The following MEGF11 variants were observed in gnomAD, a reference collection of about 807,000 sequenced individuals.
MEGF11 encodes multiple EGF like domains 11, also known as multiple epidermal growth factor-like domains protein 11.
In MEGF11, 126 loss-of-function variants were observed where a neutral mutation model predicts 146.6. That is an observed-to-expected ratio of 0.86 (90% CI 0.74 to 1.00). MEGF11 has a LOEUF of 1.00. Ranked by LOEUF, MEGF11 falls within the 50% of genes least tolerant of loss-of-function variation. The probability of loss-of-function intolerance (pLI) is 0.00; values close to 1 mark genes in which losing one functional copy is unlikely to be tolerated. For missense variants in MEGF11, 1,509 were observed against 1,521.2 expected (o/e 0.99, Z 0.13); for synonymous variants, 532 against 583.4 (o/e 0.91, Z 1.27).
At chr15:65,898,301 A>G (rs1312851432) in intron 25 of MEGF11, 11 of 985,324 alleles carry the variant, frequency 1.1e-5, no homozygotes, top group Admixed American at 1.2e-4. Flanking sequence ...CATCAACACC[A>G]AAGGATTTAA....
intron 1 of MEGF11, among the ~76,000 whole-genome samples, chr15:66,198,148 C>T (rs1157411760): frequency 2.6e-5 from 4 of 152,324 alleles, no homozygotes; most frequent in African/African-American, 4.8e-5. Context: ...CTCTGATCAG[C>T]GTGAAGACTA....
intron 7 of MEGF11, among the ~76,000 whole-genome samples, chr15:65,975,191 G>C (rs1466136001): frequency 6.6e-6 from 1 of 152,144 alleles, no homozygotes; most frequent in Non-Finnish European, 1.5e-5. Flanking sequence ...GAAGTGCAGT[G>C]GTGCCATCCC....
At chr15:65,903,108 C>T (rs1019248987) in intron 24 of MEGF11, among the ~76,000 whole-genome samples, 2 of 152,144 alleles carry the variant, frequency 1.3e-5, no homozygotes, top group African/African-American at 4.8e-5. Flanking sequence ...AGGAGGAGGT[C>T]TTGGGGTCAG....
At chr15:66,013,635 G>C (rs765960461) in intron 5 of MEGF11, among the ~76,000 whole-genome samples, 1 of 152,156 alleles carries the variant, frequency 6.6e-6, no homozygotes, top group Non-Finnish European at 1.5e-5. Context: ...AAGCTGGGCT[G>C]TCTTACTCCA....
chr15:65,939,687 G>A (rs1485319788), intron 10 of MEGF11, among the ~76,000 whole-genome samples: 2 of 151,974 alleles, frequency 1.3e-5, no homozygotes, highest in Non-Finnish European at 2.9e-5. Context: ...TAGAGACGGG[G>A]TTTCACCATG....
chr15:66,197,680 C>A (rs8024304), intron 1 of MEGF11, among the ~76,000 whole-genome samples: 51,820 of 152,024 alleles, frequency 0.34, 8,953 homozygotes, highest in East Asian at 0.46. Context: ...CCTCAACCTC[C>A]CAAAGTGCTG....
chr15:66,236,520 G>A (rs751097196), intron 1 of MEGF11, among the ~76,000 whole-genome samples: 4 of 152,206 alleles, frequency 2.6e-5, no homozygotes, highest in Non-Finnish European at 4.4e-5. Context: ...TGGGGGCACA[G>A]GCTGGGTCTG....
chr15:66,048,634 C>T (rs1189938087), intron 5 of MEGF11, among the ~76,000 whole-genome samples: 4 of 152,178 alleles, frequency 2.6e-5, no homozygotes, highest in African/African-American at 7.2e-5. Flanking sequence ...AGTGCCTGGC[C>T]TATGCTGGCT....
intron 1 of MEGF11, among the ~76,000 whole-genome samples, chr15:66,143,817 C>T (rs1384956175): frequency 6.6e-6 from 1 of 152,166 alleles, no homozygotes; most frequent in Non-Finnish European, 1.5e-5. Flanking sequence ...TTTAACAAAG[C>T]TCACCCTCAT....
chr15:65,915,431 C>T (rs2078960457), intron 19 of MEGF11, 39 bp downstream of exon 19: 2 of 1,606,196 alleles, frequency 1.2e-6, no homozygotes, highest in African/African-American at 1.3e-5. Flanking sequence ...CCATGGGGCC[C>T]TTTCCACAGA....
At chr15:65,919,631 C>A (rs2079111872) in intron 15 of MEGF11, among the ~76,000 whole-genome samples, 1 of 152,178 alleles carries the variant, frequency 6.6e-6, no homozygotes, top group African/African-American at 2.4e-5. Flanking sequence ...TGCCACAAAC[C>A]TTTGGTTTTT....
At chr15:66,230,979 C>T (rs1443056079) in intron 1 of MEGF11, among the ~76,000 whole-genome samples, 1 of 152,154 alleles carries the variant, frequency 6.6e-6, no homozygotes, top group Non-Finnish European at 1.5e-5. Context: ...CTACAGCAGC[C>T]TTGCCCAAAG....
At chr15:66,048,711 C>T (rs999348147) in intron 5 of MEGF11, among the ~76,000 whole-genome samples, 12 of 152,352 alleles carry the variant, frequency 7.9e-5, no homozygotes, top group Middle Eastern at 3.4e-3. Flanking sequence ...AAAGGCCTGG[C>T]CCTCTAAGGG....
At chr15:66,116,435 C>G (rs1279395948) in intron 4 of MEGF11, among the ~76,000 whole-genome samples, 2 of 152,124 alleles carry the variant, frequency 1.3e-5, no homozygotes, top group Admixed American at 1.3e-4. Context: ...CTAGTACACC[C>G]TGTAGCATAC....
intron 1 of MEGF11, among the ~76,000 whole-genome samples, chr15:66,205,264 G>A (rs969527293): frequency 6.6e-6 from 1 of 152,198 alleles, no homozygotes; most frequent in Admixed American, 6.5e-5. Flanking sequence ...AATATAGCAA[G>A]ACCCTGTCTC....
At chr15:66,197,124 C>T (rs2091027558) in intron 1 of MEGF11, among the ~76,000 whole-genome samples, 1 of 152,224 alleles carries the variant, frequency 6.6e-6, no homozygotes, top group East Asian at 1.9e-4. Flanking sequence ...TTAGACACTT[C>T]ATATGTAAAT....
Position 66,064,365 on chromosome 15 carries a change from T to C in MEGF11, c.394+30037A>G, listed in dbSNP as rs565843654. Among the ~76,000 whole-genome samples, 3 of 151,938 alleles carry C rather than the reference T, an allele frequency of 2.0e-5. No homozygotes were observed. In the South Asian group the frequency reaches 6.2e-4, roughly 32 times the overall value. ...GCCTGGGCAACAGAGCAAGACTCTG[T>C]TTGAAAAAAAGAAGGAAAGAAAACG... On this transcript the variant is annotated intron_variant, in intron 5 of 25. Transcript: ENST00000395614.
chr15:66,036,749 C>T (rs771685494), intron 5 of MEGF11, among the ~76,000 whole-genome samples: 2 of 152,224 alleles, frequency 1.3e-5, no homozygotes, highest in Non-Finnish European at 2.9e-5. Context: ...GAGCCTTAAA[C>T]ATAAGCTGAA....
At chr15:65,923,472 C>G (rs939953267) in intron 13 of MEGF11, among the ~76,000 whole-genome samples, 1 of 152,206 alleles carries the variant, frequency 6.6e-6, no homozygotes, top group African/African-American at 2.4e-5. Flanking sequence ...TCCCTGCCAA[C>G]CCACCCAGGG....
Sources: gnomAD v4.1 joint callset for allele counts (sites outside exome capture counted in the v4.1 genomes callset) on GRCh38, gnomAD v4.1.1 for gene constraint, MANE v1.5 for transcripts, NCBI Gene and HGNC (gene_info 2026-07-23, HGNC 2026-07-21) for gene names.